WASF3: variants seen among roughly 807,000 people sequenced by gnomAD.
WASF3 encodes actin-binding protein WASF3.
A neutral mutation model predicts 46.6 loss-of-function variants in WASF3; 11 were observed. The ratio of observed to expected loss-of-function variants is 0.24; its 90% CI spans 0.15 to 0.39. WASF3 has a LOEUF of 0.39. Among genes scored for constraint, WASF3 ranks in the 10% least tolerant of loss-of-function variants. WASF3 has a pLI of 1.00. For synonymous variants in WASF3, 242 were observed against 259.7 expected (o/e 0.93, Z 0.65); for missense variants, 576 against 669.8 (o/e 0.86, Z 1.55).
At chr13:26,624,459 A>G (rs889545613) in intron 2 of WASF3, among the ~76,000 whole-genome samples, 2 of 152,198 alleles carry the variant, frequency 1.3e-5, no homozygotes, top group Admixed American at 6.5e-5. Flanking sequence ...TCTAAGAACT[A>G]TGGAACAGTA....
chr13:26,594,083 C>A (rs1357825727), intron 1 of WASF3, among the ~76,000 whole-genome samples: 2 of 152,158 alleles, frequency 1.3e-5, no homozygotes, highest in Non-Finnish European at 2.9e-5. Flanking sequence ...CATATAATGA[C>A]AACAAAAGTA....
chr13:26,676,961 T>C (rs1426711761), intron 7 of WASF3, among the ~76,000 whole-genome samples: 2 of 152,262 alleles, frequency 1.3e-5, no homozygotes, highest in Non-Finnish European at 2.9e-5. Context: ...AAATGTATTG[T>C]TGAGTTCATC....
chr13:26,547,845 A>G, the WASF3 span, among the ~76,000 whole-genome samples: 2 of 152,240 alleles, frequency 1.3e-5, no homozygotes, highest in African/African-American at 4.8e-5. Flanking sequence ...TGAAATGAGT[A>G]AGAAAATATC....
chr13:26,680,078 A>C, intron 7 of WASF3: 1 of 1,597,968 alleles, frequency 6.3e-7, no homozygotes, highest in Non-Finnish European at 8.5e-7. Context: ...CAGCAAGTAA[A>C]TGTGAGAAAA....
chr13:26,581,578 T>C (rs1879981724), intron 1 of WASF3, among the ~76,000 whole-genome samples: 1 of 152,084 alleles, frequency 6.6e-6, no homozygotes, highest in Non-Finnish European at 1.5e-5. Flanking sequence ...TCCCTTTTAG[T>C]TGTTTAGTGT....
At chr13:26,567,403 G>A (rs761439728) in intron 1 of WASF3, among the ~76,000 whole-genome samples, 1 of 152,198 alleles carries the variant, frequency 6.6e-6, no homozygotes, top group African/African-American at 2.4e-5. Context: ...TAGATCAGGG[G>A]TTGGTAAACT....
chr13:26,634,165 G>A (rs903678064), intron 2 of WASF3, among the ~76,000 whole-genome samples: 1 of 152,172 alleles, frequency 6.6e-6, no homozygotes, highest in African/African-American at 2.4e-5. Context: ...ATGAATCTGG[G>A]TGCATCTGTA....
Position 26,676,660 on chromosome 13 carries a change from AACAGG to A in WASF3, c.653_657del (p.Asn218IlefsTer20). 6.2e-7 allele frequency: 1 copy of A among 1,614,194 alleles called. No individual in the cohort carries two copies. Among genetic ancestry groups the A allele is most frequent in the Non-Finnish European group, 8.5e-7 (1 of 1,180,046 alleles). On this transcript the variant is annotated frameshift_variant, in exon 7 of 10. Coordinates refer to ENST00000335327, the MANE Select transcript of WASF3 (RefSeq NM_006646.6). LOFTEE classifies it high-confidence loss of function. ...ATATGACAAAGAGCTTAGACCCGACAACAGGTTGTCTCAGAGTGTGTACCATGGAG... is the reference window on the plus strand; with the variant it reads ...ATATGACAAAGAGCTTAGACCCGACATTGTCTCAGAGTGTGTACCATGGAG...
intron 7 of WASF3, among the ~76,000 whole-genome samples, chr13:26,678,776 A>G (rs1288502172): frequency 2.0e-5 from 3 of 152,142 alleles, no homozygotes; most frequent in Non-Finnish European, 4.4e-5. Context: ...AGGGAGTCGC[A>G]CACCTCCATG....
At chr13:26,680,363 G>C (rs1225669754) in intron 7 of WASF3, among the ~76,000 whole-genome samples, 1 of 152,120 alleles carries the variant, frequency 6.6e-6, no homozygotes, top group Non-Finnish European at 1.5e-5. Context: ...TGCCACACTT[G>C]GGTCCTTCCT....
chr13:26,684,636 C>T (rs562960784), intron 9 of WASF3, among the ~76,000 whole-genome samples: 14 of 151,966 alleles, frequency 9.2e-5, no homozygotes, highest in South Asian at 6.2e-4. Flanking sequence ...TTTGGGTGGG[C>T]GAGGCGGGGG....
At chr13:26,561,702 C>A (rs534774678) in intron 1 of WASF3, among the ~76,000 whole-genome samples, 1 of 152,326 alleles carries the variant, frequency 6.6e-6, no homozygotes, top group East Asian at 1.9e-4. Flanking sequence ...TCCGTCTCTT[C>A]AAGCCTGTGG....
At chr13:26,579,431 A>G (rs772470602) in intron 1 of WASF3, among the ~76,000 whole-genome samples, 50 of 152,218 alleles carry the variant, frequency 3.3e-4, no homozygotes, top group Non-Finnish European at 3.5e-4. Context: ...CATGAAATAT[A>G]TAGGTGGGTA....
intron 3 of WASF3, among the ~76,000 whole-genome samples, chr13:26,664,031 G>A (rs957091210): frequency 1.3e-5 from 2 of 152,182 alleles, no homozygotes; most frequent in Admixed American, 6.5e-5. Context: ...GCATCACACA[G>A]GGCTAAGGCT....
intron 1 of WASF3, among the ~76,000 whole-genome samples, chr13:26,590,462 T>C (rs748542554): frequency 1.5e-4 from 23 of 152,194 alleles, no homozygotes; most frequent in Middle Eastern, 3.2e-3. Flanking sequence ...TCTTTAAATG[T>C]CTTTACTCCT....
intron 1 of WASF3, among the ~76,000 whole-genome samples, chr13:26,588,235 T>C (rs1003545455): frequency 5.9e-5 from 9 of 151,872 alleles, no homozygotes; most frequent in Admixed American, 3.3e-4. Context: ...AACCCTAGAG[T>C]GTAAGTCTGA....
At chr13:26,566,807 CAGG>C (rs1175726629) in intron 1 of WASF3, among the ~76,000 whole-genome samples, 2 of 152,202 alleles carry the variant, frequency 1.3e-5, no homozygotes, top group Non-Finnish European at 2.9e-5. Flanking sequence ...CTATACGCCG[CAGG>C]AGAAGAGAGG....
At chr13:26,660,194 GTTTTTTTTTTTT>G (rs71080285) in intron 3 of WASF3, among the ~76,000 whole-genome samples, 1 of 43,376 alleles carries the variant, frequency 2.3e-5, no homozygotes, top group African/African-American at 7.4e-5. Flanking sequence ...TTTTTGTTTG[GTTTTTTTTTTTT>G]TTTTTTTTTT....
chr13:26,672,827 G>A (rs1882960566), intron 6 of WASF3, among the ~76,000 whole-genome samples: 1 of 152,164 alleles, frequency 6.6e-6, no homozygotes, highest in South Asian at 2.1e-4. Context: ...AGTTTGGTCT[G>A]GAGGAGAATT....
Sources: allele counts gnomAD v4.1 joint callset (sites outside exome capture counted in the v4.1 genomes callset), GRCh38; gene constraint gnomAD v4.1.1; transcripts MANE v1.5; gene names NCBI Gene and HGNC (gene_info 2026-07-23, HGNC 2026-07-21).